IMMP2L: variants seen among roughly 807,000 people sequenced by gnomAD.
IMMP2L encodes the protein mitochondrial inner membrane protease subunit 2.
IMMP2L carries 18 observed loss-of-function variants against 19.3 expected under a neutral mutation model. The ratio of observed to expected loss-of-function variants is 0.93; its 90% CI spans 0.64 to 1.38. The LOEUF (loss-of-function observed/expected upper bound fraction) is 1.38. IMMP2L is among the 40% of genes most tolerant of loss of function. The probability of loss-of-function intolerance (pLI) is 0.00; values close to 1 mark genes in which losing one functional copy is unlikely to be tolerated. For synonymous variants in IMMP2L, 76 were observed against 73.0 expected (o/e 1.04, Z -0.21); for missense variants, 233 against 218.2 (o/e 1.07, Z -0.43).
intron 4 of IMMP2L, among the ~76,000 whole-genome samples, chr7:110,949,504 A>C (rs1453277394): frequency 6.6e-6 from 1 of 152,218 alleles, no homozygotes; most frequent in Non-Finnish European, 1.5e-5. Context: ...AAAGTAGATA[A>C]TATAGCCCAC....
chr7:110,819,375 T>C (rs969634213), intron 5 of IMMP2L, among the ~76,000 whole-genome samples: 1 of 152,058 alleles, frequency 6.6e-6, no homozygotes, highest in African/African-American at 2.4e-5. Flanking sequence ...ATATGAACTT[T>C]ACCCTACATG....
At chr7:110,756,451 G>C (rs573984341) in intron 5 of IMMP2L, among the ~76,000 whole-genome samples, 3 of 152,182 alleles carry the variant, frequency 2.0e-5, no homozygotes, top group African/African-American at 7.2e-5. Context: ...TTGAAGCCCA[G>C]ATGGAAGATA....
At chr7:111,036,163 A>C (rs1161173846) in intron 3 of IMMP2L, among the ~76,000 whole-genome samples, 2 of 152,186 alleles carry the variant, frequency 1.3e-5, no homozygotes, top group Non-Finnish European at 2.9e-5. Context: ...TAACATAAGA[A>C]ACACAAATCT....
intron 3 of IMMP2L, among the ~76,000 whole-genome samples, chr7:111,340,678 C>A (rs1190002430): frequency 6.6e-6 from 1 of 152,014 alleles, no homozygotes; most frequent in East Asian, 1.9e-4. Context: ...AAACTGGAAA[C>A]AACCCAAATG....
chr7:110,873,589 C>A (rs1808759250), intron 5 of IMMP2L, among the ~76,000 whole-genome samples: 1 of 149,672 alleles, frequency 6.7e-6, no homozygotes, highest in South Asian at 2.1e-4. Flanking sequence ...CATGGTGAAA[C>A]CCCGTCTTTA....
chr7:111,040,602 T>A (rs1791801088), intron 3 of IMMP2L, among the ~76,000 whole-genome samples: 1 of 150,622 alleles, frequency 6.6e-6, no homozygotes, highest in African/African-American at 2.4e-5. Flanking sequence ...AAATATCAGG[T>A]ACAGCAGCAT....
intron 5 of IMMP2L, among the ~76,000 whole-genome samples, chr7:110,739,304 G>T (rs758068312): frequency 6.6e-6 from 1 of 152,100 alleles, no homozygotes; most frequent in Non-Finnish European, 1.5e-5. Flanking sequence ...CCAAGTTTCT[G>T]CTGTCTTCAG....
chr7:110,903,638 T>C (rs1310264759), intron 4 of IMMP2L, among the ~76,000 whole-genome samples: 3 of 152,212 alleles, frequency 2.0e-5, no homozygotes, highest in African/African-American at 7.2e-5. Context: ...CACAACATTT[T>C]CTTTATCCAT....
intron 3 of IMMP2L, among the ~76,000 whole-genome samples, chr7:111,016,447 A>C (rs1825559634): frequency 7.4e-6 from 1 of 135,144 alleles, no homozygotes; most frequent in Non-Finnish European, 1.5e-5. Flanking sequence ...AGATAATTAT[A>C]TATAATAAAT....
At chr7:110,735,567 G>C (rs1796560476) in intron 5 of IMMP2L, among the ~76,000 whole-genome samples, 1 of 151,018 alleles carries the variant, frequency 6.6e-6, no homozygotes, top group South Asian at 2.1e-4. Context: ...GGCTGAGGTG[G>C]GTGGATTGTT....
chr7:111,190,786 T>C (rs1010627663), intron 3 of IMMP2L, among the ~76,000 whole-genome samples: 3 of 152,118 alleles, frequency 2.0e-5, no homozygotes, highest in Admixed American at 6.6e-5. Flanking sequence ...CGAAGGTAGG[T>C]TGGTAAGCAG....
Position 110,727,589 on chromosome 7 carries a change from G to A in IMMP2L, c.409-63868C>T, listed in dbSNP as rs1241940944. ...GAAGGTAGAGGAGAAGACAAGGTAGGGAAAGAGAGAGGAGACCAAGTATCC... is the reference window on the plus strand; with the variant it reads ...GAAGGTAGAGGAGAAGACAAGGTAGAGAAAGAGAGAGGAGACCAAGTATCC... On this transcript the variant is annotated intron_variant, in intron 5 of 5. Transcript: ENST00000405709. The surrounding 1 kb of genome is among the most constrained non-coding windows in gnomAD (Gnocchi z 4.3). Among the ~76,000 whole-genome samples, 1 of 152,146 alleles carries A rather than the reference G, an allele frequency of 6.6e-6. No homozygotes were observed.
At chr7:111,467,906 C>T (rs1421232071) in intron 3 of IMMP2L, among the ~76,000 whole-genome samples, 2 of 152,098 alleles carry the variant, frequency 1.3e-5, no homozygotes, top group Non-Finnish European at 2.9e-5. Context: ...TAAGGGAAAC[C>T]TGTTGTCAGC....
At chr7:111,236,952 T>C (rs933471128) in intron 3 of IMMP2L, among the ~76,000 whole-genome samples, 1 of 152,138 alleles carries the variant, frequency 6.6e-6, no homozygotes, top group African/African-American at 2.4e-5. Context: ...GCAAATCATG[T>C]TCCTGTAACC....
chr7:110,799,094 A>C (rs1801067501), intron 5 of IMMP2L, among the ~76,000 whole-genome samples: 1 of 152,048 alleles, frequency 6.6e-6, no homozygotes, highest in Non-Finnish European at 1.5e-5. Context: ...TAAAGGAATA[A>C]GTGAACACTG....
chr7:110,849,530 C>T (rs569471673), intron 5 of IMMP2L, among the ~76,000 whole-genome samples: 55 of 152,076 alleles, frequency 3.6e-4, no homozygotes, highest in African/African-American at 1.3e-3. Flanking sequence ...AGACGAAATA[C>T]ACAAATCACT....
At chr7:111,281,246 AGAG>A (rs1046915360) in intron 3 of IMMP2L, among the ~76,000 whole-genome samples, 1 of 137,436 alleles carries the variant, frequency 7.3e-6, no homozygotes, top group African/African-American at 3.0e-5. Context: ...GAAAGAAAGA[AGAG>A]AGAGAGAGAA....
At chr7:111,027,889 A>G (rs1158645626) in intron 3 of IMMP2L, among the ~76,000 whole-genome samples, 1 of 152,142 alleles carries the variant, frequency 6.6e-6, no homozygotes, top group Non-Finnish European at 1.5e-5. Context: ...ATTATTGTTT[A>G]TAATCACAAA....
chr7:110,788,175 T>G (rs556835541), intron 5 of IMMP2L, among the ~76,000 whole-genome samples: 1 of 152,172 alleles, frequency 6.6e-6, no homozygotes, highest in East Asian at 1.9e-4. Flanking sequence ...TCTACTTCCC[T>G]TTACAGCCAA....
Sources: allele counts gnomAD v4.1 joint callset (sites outside exome capture counted in the v4.1 genomes callset), GRCh38; gene constraint gnomAD v4.1.1; non-coding constraint Gnocchi (gnomAD v3.1); transcripts MANE v1.5; gene names NCBI Gene and HGNC (gene_info 2026-07-23, HGNC 2026-07-21).